Variants in EFNA5 observed in about 807,000 individuals in gnomAD.
The protein encoded by EFNA5 is ephrin-A5.
A neutral mutation model predicts 22.9 loss-of-function variants in EFNA5; 5 were observed. The ratio of observed to expected loss-of-function variants is 0.22; its 90% CI spans 0.11 to 0.46. The LOEUF (loss-of-function observed/expected upper bound fraction) is 0.46, where lower values mean the gene tolerates loss of function less well. EFNA5 is among the 20% of genes least tolerant of loss of function. EFNA5 has a pLI of 0.99. For missense variants in EFNA5, 237 were observed against 293.3 expected (o/e 0.81, Z 1.40); for synonymous variants, 113 against 112.2 (o/e 1.01, Z -0.04).
chr5:107,567,621 G>A (rs1391345001), intron 1 of EFNA5, among the ~76,000 whole-genome samples: 1 of 152,220 alleles, frequency 6.6e-6, no homozygotes, highest in African/African-American at 2.4e-5. Flanking sequence ...CCAAGAAAGG[G>A]AAGACAAAAG....
At chr5:107,457,373 C>A (rs1358065430) in intron 1 of EFNA5, among the ~76,000 whole-genome samples, 1 of 152,006 alleles carries the variant, frequency 6.6e-6, no homozygotes, top group East Asian at 1.9e-4. Context: ...TCCCACAGTA[C>A]CAATATCCAT....
At chr5:107,498,862 T>G (rs903026870) in intron 1 of EFNA5, among the ~76,000 whole-genome samples, 8 of 152,210 alleles carry the variant, frequency 5.3e-5, no homozygotes, top group African/African-American at 1.7e-4. Context: ...CTGCAGGGGA[T>G]AGACTACATA....
At chr5:107,404,530 G>T (rs564136601) in intron 2 of EFNA5, among the ~76,000 whole-genome samples, 2 of 152,214 alleles carry the variant, frequency 1.3e-5, no homozygotes, top group African/African-American at 2.4e-5. Context: ...ACTGTGCCAG[G>T]TTTATTAAGT....
chr5:107,456,075 T>G (rs1749692365), intron 1 of EFNA5, among the ~76,000 whole-genome samples: 1 of 152,158 alleles, frequency 6.6e-6, no homozygotes, highest in African/African-American at 2.4e-5. Context: ...AACTTAGAAC[T>G]CTTAATTGAA....
Position 107,670,880 on chromosome 5 carries a change from C to G in EFNA5, c.-267G>C, listed in dbSNP as rs1751187048. 2.3e-6 allele frequency: 1 copy of G among 439,904 alleles called. No homozygotes were observed. The highest frequency in any genetic ancestry group is 2.1e-5 in the African/African-American group (1 of 47,764). The allele number at this position is 439,904 out of a possible 1,614,324, so 27.3% of individuals were successfully genotyped here. On this transcript the variant is annotated 5_prime_UTR_variant, in exon 1 of 5. Coordinates refer to ENST00000333274, the MANE Select transcript of EFNA5 (RefSeq NM_001962.3). ...AGGGTTCAGGAGGAAAAAGGAATCA[C>G]AAGATGGAGAGAAGCGTGCGTGTGT...
chr5:107,660,380 A>G (rs1750927965), intron 1 of EFNA5, among the ~76,000 whole-genome samples: 1 of 145,264 alleles, frequency 6.9e-6, no homozygotes, highest in Admixed American at 7.0e-5. Context: ...TGACAAGCAT[A>G]TGGTGGGAAA....
At chr5:107,543,924 A>G (rs1236276504) in intron 1 of EFNA5, among the ~76,000 whole-genome samples, 1 of 152,190 alleles carries the variant, frequency 6.6e-6, no homozygotes, top group African/African-American at 2.4e-5. Flanking sequence ...ACCAAAATCA[A>G]AAGGTGCAGA....
chr5:107,651,274 G>A (rs778022852), intron 1 of EFNA5, among the ~76,000 whole-genome samples: 19 of 152,104 alleles, frequency 1.2e-4, no homozygotes, highest in Non-Finnish European at 2.5e-4. Context: ...AAGAGCTTTT[G>A]TCAGGATTTT....
intron 1 of EFNA5, among the ~76,000 whole-genome samples, chr5:107,658,471 A>G (rs1750873724): frequency 6.6e-6 from 1 of 152,182 alleles, no homozygotes; most frequent in South Asian, 2.1e-4. Flanking sequence ...ACTTCAATGT[A>G]AAAATCTGTT....
chr5:107,410,626 A>T (rs1748342850), intron 2 of EFNA5, among the ~76,000 whole-genome samples: 1 of 152,238 alleles, frequency 6.6e-6, no homozygotes. Flanking sequence ...TGAAGAATTA[A>T]CAATACACAG....
chr5:107,395,036 T>TTTTTTTTTTTTG, intron 2 of EFNA5, among the ~76,000 whole-genome samples: 1 of 123,978 alleles, frequency 8.1e-6, no homozygotes, highest in South Asian at 2.6e-4. Flanking sequence ...TTCTAGTTCT[T>TTTTTTTTTTTTG]TTTTTTTTTT....
chr5:107,664,160 A>G (rs1335829658), intron 1 of EFNA5, among the ~76,000 whole-genome samples: 1 of 152,210 alleles, frequency 6.6e-6, no homozygotes, highest in Non-Finnish European at 1.5e-5. Context: ...ATTAGAAAAT[A>G]GCACACGGAT....
chr5:107,527,041 T>C (rs768827318), intron 1 of EFNA5, among the ~76,000 whole-genome samples: 1 of 152,170 alleles, frequency 6.6e-6, no homozygotes, highest in African/African-American at 2.4e-5. Context: ...TTCTCCTGGA[T>C]AAATCAGGAA....
intron 1 of EFNA5, among the ~76,000 whole-genome samples, chr5:107,488,238 G>A (rs369459729): frequency 6.6e-6 from 1 of 152,110 alleles, no homozygotes; most frequent in Non-Finnish European, 1.5e-5. Context: ...CCCATCTTGC[G>A]GCTTAGTTCA....
At chr5:107,587,461 TATC>T (rs1005006882) in intron 1 of EFNA5, among the ~76,000 whole-genome samples, 3 of 152,224 alleles carry the variant, frequency 2.0e-5, no homozygotes, top group Non-Finnish European at 2.9e-5. Context: ...ATGTAACAGT[TATC>T]ATGCTCTAAG....
intron 1 of EFNA5, among the ~76,000 whole-genome samples, chr5:107,669,305 C>A (rs964105436): frequency 6.6e-6 from 1 of 151,926 alleles, no homozygotes; most frequent in Non-Finnish European, 1.5e-5. Context: ...TTCCCAACTT[C>A]CACTCCAGCC....
At chr5:107,557,899 G>C (rs992642558) in intron 1 of EFNA5, among the ~76,000 whole-genome samples, 15 of 152,106 alleles carry the variant, frequency 9.9e-5, no homozygotes, top group African/African-American at 3.6e-4. Context: ...CAATCAAAGA[G>C]ACCTGGGTTC....
At chr5:107,666,918 A>C (rs1316527578) in intron 1 of EFNA5, among the ~76,000 whole-genome samples, 1 of 152,178 alleles carries the variant, frequency 6.6e-6, no homozygotes, top group East Asian at 1.9e-4. Flanking sequence ...TAGCTACTAA[A>C]GGAGAATGTA....
chr5:107,629,193 T>G (rs1442894697), intron 1 of EFNA5, among the ~76,000 whole-genome samples: 1 of 152,182 alleles, frequency 6.6e-6, no homozygotes, highest in Non-Finnish European at 1.5e-5. Flanking sequence ...AAAAAATTCA[T>G]CAAACCCAAT....
Sources: gnomAD v4.1 joint callset for allele counts (sites outside exome capture counted in the v4.1 genomes callset) on GRCh38, gnomAD v4.1.1 for gene constraint, MANE v1.5 for transcripts, NCBI Gene and HGNC (gene_info 2026-07-23, HGNC 2026-07-21) for gene names.